Variants in ENOSF1 observed in about 807,000 individuals in gnomAD.
ENOSF1 encodes enolase superfamily member 1.
A neutral mutation model predicts 68.2 loss-of-function variants in ENOSF1; 73 were observed. The observed-to-expected ratio is 1.07, with a 90% CI of 0.89 to 1.30. ENOSF1 has a LOEUF of 1.30. ENOSF1 is among the 50% of genes most tolerant of loss of function. The pLI is 0.00. For missense variants in ENOSF1, 589 were observed against 554.5 expected (o/e 1.06, Z -0.62); for synonymous variants, 223 against 210.4 (o/e 1.06, Z -0.52).
At chr18:710,883 T>C (rs180920029) in intron 1 of ENOSF1, among the ~76,000 whole-genome samples, 111 of 152,348 alleles carry the variant, frequency 7.3e-4, no homozygotes, top group African/African-American at 2.5e-3. Flanking sequence ...CAGTAAAATT[T>C]CCAACATTTA....
chr18:684,059 TCTC>T (rs1266538907), intron 10 of ENOSF1, among the ~76,000 whole-genome samples: 1 of 151,746 alleles, frequency 6.6e-6, no homozygotes, highest in Non-Finnish European at 1.5e-5. Context: ...AGTGGCGCTA[TCTC>T]GGCTCACTGC....
At chr18:688,718 G>A in intron 8 of ENOSF1, 110 bp from the exon 9 acceptor site, 2 of 924,978 alleles carry the variant, frequency 2.2e-6, no homozygotes, top group Admixed American at 3.8e-5. Context: ...GCATAGACCA[G>A]AGTAACACCC....
chr18:667,283 TGGTGATGGA>T (rs2074862578), downstream of ENOSF1, among the ~76,000 whole-genome samples: 1 of 28,326 alleles, frequency 3.5e-5, no homozygotes, highest in Non-Finnish European at 5.7e-5. Flanking sequence ...GGTGATGGGA[TGGTGATGGA>T]GATGGTGATG....
In ENOSF1 at chr18:671,000, AC is replaced by A; in HGVS notation, c.*3304del. On this transcript the variant is annotated 3_prime_UTR_variant, in exon 16 of 16. Transcript: ENST00000647584. ...TTTGATATGTGTAAGTAAGAAATGAACCAGCTTTTACTTTGAAACCTTCCTC... is the reference window on the plus strand; with the variant it reads ...TTTGATATGTGTAAGTAAGAAATGAACAGCTTTTACTTTGAAACCTTCCTC... 1 of 1,080,692 alleles carries A rather than the reference AC, an allele frequency of 9.3e-7. No individual in the cohort carries two copies. The highest frequency in any genetic ancestry group is 1.3e-6 in the Non-Finnish European group (1 of 768,070). 66.9% of individuals were successfully genotyped at this position (1,080,692 alleles called of 1,614,324 possible).
At chr18:664,732 T>C in the ENOSF1 span, among the ~76,000 whole-genome samples, 24 of 151,310 alleles carry the variant, frequency 1.6e-4, no homozygotes, top group African/African-American at 5.6e-4. Flanking sequence ...CATGATGTGT[T>C]GTTGAATTTT....
intron 5 of ENOSF1, chr18:692,785 G>C (rs1295444453): frequency 6.9e-6 from 7 of 1,007,528 alleles, no homozygotes; most frequent in Non-Finnish European, 8.3e-6. Context: ...ATCTAGAAGG[G>C]GGCTCAAGAG....
intron 1 of ENOSF1, among the ~76,000 whole-genome samples, chr18:709,073 C>T (rs945813161): frequency 6.6e-6 from 1 of 152,076 alleles, no homozygotes; most frequent in Non-Finnish European, 1.5e-5. Flanking sequence ...GAGGGAGGGG[C>T]GGCAGAGAAT....
chr18:675,428 C>T, intron 14 of ENOSF1, 26 bp from the exon 15 acceptor site: 2 of 1,587,810 alleles, frequency 1.3e-6, no homozygotes, highest in Admixed American at 1.7e-5. Context: ...CAGATCGGGG[C>T]AATGATGCCT....
downstream of ENOSF1, among the ~76,000 whole-genome samples, chr18:666,987 T>A (rs868798037): frequency 0.046 from 234 of 5,126 alleles, 12 homozygotes; most frequent in Admixed American, 0.087. Context: ...ATGGAGATGG[T>A]GATGGTGATG....
At chr18:686,384 T>TA in intron 9 of ENOSF1, 1 of 203,944 alleles carries the variant, frequency 4.9e-6, no homozygotes, top group Non-Finnish European at 9.9e-6. Context: ...CACACTGTGA[T>TA]AGACTGAATG....
chr18:675,084 A>G (rs2075343346), intron 15 of ENOSF1, among the ~76,000 whole-genome samples: 1 of 152,196 alleles, frequency 6.6e-6, no homozygotes. Flanking sequence ...AAATGTTAAG[A>G]TCTCCACTAG....
intron 8 of ENOSF1, among the ~76,000 whole-genome samples, chr18:689,261 G>C (rs1006225476): frequency 6.6e-6 from 1 of 152,082 alleles, no homozygotes; most frequent in African/African-American, 2.4e-5. Context: ...CTTTCAGAAC[G>C]AGGGCTTGGA....
At chr18:690,060 A>G (rs1180074870) in intron 8 of ENOSF1, among the ~76,000 whole-genome samples, 2 of 152,046 alleles carry the variant, frequency 1.3e-5, no homozygotes, top group Non-Finnish European at 2.9e-5. Context: ...GGGACATGGA[A>G]GCTCTGTACC....
Position 686,115 on chromosome 18 carries a change from T to G in ENOSF1, c.654-107A>C, listed in dbSNP as rs1027845723. On this transcript the variant is annotated intron_variant, in intron 9 of 15. Coordinates refer to ENST00000647584, the MANE Select transcript of ENOSF1 (RefSeq NM_017512.7). Reference sequence around the variant, plus strand: ...TCTCTGTCAACAATTCACAGATATGTTTTTTAGTAACCTCTTGCTCTTTCC... The same window carrying G: ...TCTCTGTCAACAATTCACAGATATGGTTTTTAGTAACCTCTTGCTCTTTCC... 12 of 800,036 alleles carry G rather than the reference T, an allele frequency of 1.5e-5. No homozygotes were observed. In the South Asian group the frequency reaches 1.7e-4, roughly 11 times the overall value. 49.6% of individuals were successfully genotyped at this position (800,036 alleles called of 1,614,324 possible).
At chr18:668,724 C>CTAAG (rs1297140511), downstream of ENOSF1, among the ~76,000 whole-genome samples, 1 of 152,116 alleles carries the variant, frequency 6.6e-6, no homozygotes, top group Non-Finnish European at 1.5e-5. Context: ...GGTTTAGAGC[C>CTAAG]TAAGTTTGCG....
downstream of ENOSF1, among the ~76,000 whole-genome samples, chr18:666,537 G>A (rs1309135142): frequency 1.3e-5 from 2 of 152,194 alleles, no homozygotes; most frequent in Admixed American, 1.3e-4. Flanking sequence ...ACCTTGGAAT[G>A]TGGGGTTTGT....
chr18:666,903 A>AGATGGT (rs753248760), downstream of ENOSF1, among the ~76,000 whole-genome samples: 3 of 60,758 alleles, frequency 4.9e-5, no homozygotes, highest in African/African-American at 9.8e-5. Context: ...ATGGTGATGG[A>AGATGGT]GATGGTGATG....
chr18:699,607 C>A (rs1245822555), intron 2 of ENOSF1, among the ~76,000 whole-genome samples: 1 of 152,148 alleles, frequency 6.6e-6, no homozygotes, highest in African/African-American at 2.4e-5. Flanking sequence ...TGTAAATGGA[C>A]ACAATAATTG....
At chr18:693,814 A>C (rs2077444566) in intron 5 of ENOSF1, 68 bp downstream of exon 5, 1 of 1,606,888 alleles carries the variant, frequency 6.2e-7, no homozygotes, top group Non-Finnish European at 8.5e-7. Flanking sequence ...CTGATCATCA[A>C]AAGGCATGTC....
Sources: gnomAD v4.1 joint callset for allele counts (sites outside exome capture counted in the v4.1 genomes callset) on GRCh38, gnomAD v4.1.1 for gene constraint, MANE v1.5 for transcripts, NCBI Gene and HGNC (gene_info 2026-07-23, HGNC 2026-07-21) for gene names.